PITPNM2: variants seen among roughly 807,000 people sequenced by gnomAD.
PITPNM2 encodes the protein membrane-associated phosphatidylinositol transfer protein 2.
In PITPNM2, 35 loss-of-function variants were observed where a neutral mutation model predicts 132.2. The ratio of observed to expected loss-of-function variants is 0.26; its 90% confidence interval spans 0.20 to 0.35. PITPNM2 has a LOEUF of 0.35. Among genes scored for constraint, PITPNM2 ranks in the 10% least tolerant of loss-of-function variants. PITPNM2 has a pLI of 1.00. For synonymous variants in PITPNM2, 738 were observed against 799.2 expected (o/e 0.92, Z 1.29); for missense variants, 1,332 against 1,912.0 (o/e 0.70, Z 5.66).
chr12:122,994,913 A>G lies in PITPNM2; in HGVS notation c.2121T>C (p.Asp707=), dbSNP rs1269710895. ...SRHSSSSTML[D]GTGALGRFDF... ...CAAACCTGCCCAGGGCACCTGTGCC[A>G]TCCAGCATGGTGGAGCTGCTGGAAT... is the stretch of plus-strand genomic sequence containing the variant. The change falls in exon 15 of 26, where the codon GAT becomes GAC. Residue 707 remains aspartate, a synonymous_variant. Transcript: ENST00000320201. The surrounding 1 kb of genome is among the most constrained non-coding windows in gnomAD (Gnocchi z 5.4). 7 of 1,612,174 alleles carry G rather than the reference A, an allele frequency of 4.3e-6. No homozygotes were observed. The highest frequency in any genetic ancestry group is 5.1e-6 in the Non-Finnish European group (6 of 1,179,872).
intron 3 of PITPNM2, chr12:123,034,294 A>G (rs995288810): frequency 1.9e-6 from 1 of 525,022 alleles, no homozygotes; most frequent in East Asian, 2.9e-5. Flanking sequence ...GGCGGGACAC[A>G]GTGCCGGAAA....
At position 122,985,842 on chromosome 12, in the gene PITPNM2, G is replaced by A; in HGVS notation, c.*185C>T. 1 of 517,220 alleles carries A rather than the reference G, an allele frequency of 1.9e-6. No individual in the cohort carries two copies. Among genetic ancestry groups the A allele is most frequent in the Non-Finnish European group, 3.1e-6 (1 of 322,342 alleles). The allele number at this position is 517,220 out of a possible 1,614,324, so 32.0% of individuals were successfully genotyped here. ...CCCTGCCAGCTTCCATGACAAGCCG[G>A]ACCCGTCAGGCCCGAGGACGTGAGG... is the stretch of plus-strand genomic sequence containing the variant. On this transcript the variant is annotated 3_prime_UTR_variant, in exon 26 of 26. Transcript: ENST00000320201.
At chr12:123,127,033 G>A (rs2043153849) in intron 1 of PITPNM2, among the ~76,000 whole-genome samples, 1 of 152,204 alleles carries the variant, frequency 6.6e-6, no homozygotes, top group Admixed American at 6.5e-5. Context: ...CAAAGCTACA[G>A]GGAATTTCTG....
chr12:123,119,800 T>C (rs1374338635), intron 1 of PITPNM2, among the ~76,000 whole-genome samples: 1 of 151,938 alleles, frequency 6.6e-6, no homozygotes, highest in Non-Finnish European at 1.5e-5. Flanking sequence ...TCTTTCTTTT[T>C]TTTTTTTTGA....
chr12:123,018,925 AGGCGT>A (rs1485765629), intron 3 of PITPNM2, among the ~76,000 whole-genome samples: 7 of 151,762 alleles, frequency 4.6e-5, no homozygotes, highest in African/African-American at 1.7e-4. Flanking sequence ...CTGGGATTAC[AGGCGT>A]GTGCCACCAA....
chr12:123,148,797 A>T (rs1016477523), intron 1 of PITPNM2, among the ~76,000 whole-genome samples: 1 of 152,126 alleles, frequency 6.6e-6, no homozygotes, highest in Non-Finnish European at 1.5e-5. Context: ...GCACGTGTAA[A>T]CAGATAAGGG....
intron 2 of PITPNM2, among the ~76,000 whole-genome samples, chr12:123,066,320 G>A (rs1383843719): frequency 6.6e-6 from 1 of 152,158 alleles, no homozygotes; most frequent in Non-Finnish European, 1.5e-5. Context: ...CACACGGAGT[G>A]GGCTGGTGCA....
chr12:123,064,457 A>G lies in PITPNM2; in HGVS notation c.-95-29772T>C, dbSNP rs771885304. On this transcript the variant is annotated intron_variant, in intron 2 of 25. Coordinates refer to ENST00000320201, the MANE Select transcript of PITPNM2 (RefSeq NM_020845.3). The surrounding 1 kb of genome is among the most constrained non-coding windows in gnomAD (Gnocchi z 4.0). ...ACCTGGGCTGGGGGTGGCACAGGGC[A>G]GGGGAGCTGAGGGGAGTAGGGAACC... Among the ~76,000 whole-genome samples, 47 of 152,340 alleles carry G rather than the reference A, an allele frequency of 3.1e-4. No individual in the cohort carries two copies. Among genetic ancestry groups the G allele is most frequent in the Non-Finnish European group, 6.5e-4 (44 of 68,006 alleles).
Position 122,999,636 on chromosome 12 carries a change from C to T in PITPNM2, c.1224+1142G>A, listed in dbSNP as rs1313839195. Reference sequence around the variant, plus strand: ...CAGGGACCCCCAGAGGCCCCTGGAACACAGCCTCCCTACACTCAGCCTGCT... The same window carrying T: ...CAGGGACCCCCAGAGGCCCCTGGAATACAGCCTCCCTACACTCAGCCTGCT... On this transcript the variant is annotated intron_variant, in intron 10 of 25. Coordinates refer to ENST00000320201, the MANE Select transcript of PITPNM2 (RefSeq NM_020845.3). Among the ~76,000 whole-genome samples, 10 of 152,234 alleles carry T rather than the reference C, an allele frequency of 6.6e-5. No homozygotes were observed. In the East Asian group the frequency reaches 1.9e-3, roughly 29 times the overall value.
At chr12:123,017,896 G>A (rs1321420445) in intron 3 of PITPNM2, among the ~76,000 whole-genome samples, 2 of 152,122 alleles carry the variant, frequency 1.3e-5, no homozygotes, top group Non-Finnish European at 2.9e-5. Flanking sequence ...GCTAATGGGC[G>A]CAGGGCCCTC....
intron 1 of PITPNM2, among the ~76,000 whole-genome samples, chr12:123,134,993 C>G (rs549000469): frequency 6.6e-6 from 1 of 152,174 alleles, no homozygotes; most frequent in Non-Finnish European, 1.5e-5. Context: ...TTCAGCTGCA[C>G]GATAGATCAT....
At position 122,995,718 on chromosome 12, in the gene PITPNM2, A is replaced by T. The variant is rs556022867; in HGVS notation, c.1783-58T>A. 1.5e-4 allele frequency: 226 copies of T among 1,504,290 alleles called. 2 individuals are homozygous for T. The Admixed American group carries it at 4.4e-3, about 29-fold the overall frequency. 93.2% of individuals were successfully genotyped at this position (1,504,290 alleles called of 1,614,324 possible). The stretch of plus-strand genomic sequence containing the variant: ...TGGCCGCTGGCCTGACCCCTTCTCC[A>T]GTGTCCTGGAAGCTGCCTCCTCCCT... On this transcript the variant is annotated intron_variant, in intron 13 of 25. Coordinates refer to ENST00000320201, the MANE Select transcript of PITPNM2 (RefSeq NM_020845.3).
chr12:123,146,612 T>TA (rs1343683982), intron 1 of PITPNM2, among the ~76,000 whole-genome samples: 1 of 150,702 alleles, frequency 6.6e-6, no homozygotes. Context: ...TAATAATTTT[T>TA]AAAAAATACA....
At chr12:123,079,761 T>C (rs1460118001) in intron 2 of PITPNM2, among the ~76,000 whole-genome samples, 1 of 152,254 alleles carries the variant, frequency 6.6e-6, no homozygotes, top group Non-Finnish European at 1.5e-5. Flanking sequence ...CTCACTTTTT[T>C]TATTGCAGTA....
intron 2 of PITPNM2, among the ~76,000 whole-genome samples, chr12:123,085,293 C>G (rs1444664316): frequency 6.6e-6 from 1 of 152,176 alleles, no homozygotes; most frequent in Non-Finnish European, 1.5e-5. Context: ...TCTTTTGCTC[C>G]CTGGCAGCAC....
At chr12:123,033,767 C>T (rs1181139936) in intron 3 of PITPNM2, among the ~76,000 whole-genome samples, 1 of 151,994 alleles carries the variant, frequency 6.6e-6, no homozygotes, top group Non-Finnish European at 1.5e-5. Flanking sequence ...GGAGATGGGG[C>T]CTTTGGGTGG....
intron 23 of PITPNM2, 84 bp downstream of exon 23, chr12:122,987,197 G>A: frequency 2.5e-6 from 4 of 1,572,204 alleles, no homozygotes; most frequent in East Asian, 2.3e-5. Context: ...CAGAGGCTCC[G>A]CTGTCCTCCT....
chr12:123,012,964 T>A (rs1449266480), intron 4 of PITPNM2, among the ~76,000 whole-genome samples: 2 of 152,170 alleles, frequency 1.3e-5, no homozygotes, highest in Admixed American at 6.5e-5. Context: ...AGACAGTGTA[T>A]CCTCAGTGGC....
chr12:123,126,689 G>A (rs916708067), intron 1 of PITPNM2, among the ~76,000 whole-genome samples: 5 of 152,124 alleles, frequency 3.3e-5, no homozygotes, highest in East Asian at 1.9e-4. Flanking sequence ...CGTGGCCTCC[G>A]AGAACAGCCT....
Sources: allele counts gnomAD v4.1 joint callset (sites outside exome capture counted in the v4.1 genomes callset), GRCh38; gene constraint gnomAD v4.1.1; non-coding constraint Gnocchi (gnomAD v3.1); transcripts MANE v1.5; gene names NCBI Gene and HGNC (gene_info 2026-07-23, HGNC 2026-07-21).